CLYBL: variants seen among roughly 807,000 people sequenced by gnomAD.
The protein encoded by CLYBL is citramalyl-CoA lyase.
CLYBL carries 31 observed loss-of-function variants against 38.9 expected under a neutral mutation model. That is an observed-to-expected ratio of 0.80 (90% CI 0.60 to 1.08). The LOEUF (loss-of-function observed/expected upper bound fraction) is 1.08. Among genes scored for constraint, CLYBL ranks in the 50% least tolerant of loss-of-function variants. The probability of loss-of-function intolerance (pLI) is 0.00; values close to 1 mark genes in which losing one functional copy is unlikely to be tolerated. For synonymous variants in CLYBL, 171 were observed against 158.6 expected (o/e 1.08, Z -0.59); for missense variants, 434 against 411.6 (o/e 1.05, Z -0.47).
rs543109043 is a variant in CLYBL at position 99,848,504 on chromosome 13, T to A, written c.250-10357T>A. Among the ~76,000 whole-genome samples the A allele has an allele frequency of 3.3e-5, 5 of 152,302 alleles. No individual in the cohort carries two copies. The East Asian group carries it at 9.6e-4, about 29-fold the overall frequency. ...TCTCTTGGGAATCACAAACATTCTT[T>A]AAAAAAGGGCACATCCCCTGTTACC... On this transcript the variant is annotated intron_variant, in intron 2 of 8. Coordinates refer to ENST00000339105, the MANE Select transcript of CLYBL (RefSeq NM_206808.5).
chr13:99,761,470 C>T (rs978602711), intron 1 of CLYBL, among the ~76,000 whole-genome samples: 67 of 152,292 alleles, frequency 4.4e-4, no homozygotes, highest in African/African-American at 1.6e-3. Flanking sequence ...AACGTAATGA[C>T]CTCCAGTACA....
chr13:99,785,156 G>T (rs1442354218), intron 2 of CLYBL, among the ~76,000 whole-genome samples: 2 of 131,658 alleles, frequency 1.5e-5, no homozygotes, highest in Non-Finnish European at 1.6e-5. Context: ...GCCTCCCAAA[G>T]AGCTGGGATT....
chr13:99,896,040 C>T (rs2052572803), downstream of CLYBL: 1 of 151,572 alleles, frequency 6.6e-6, no homozygotes, highest in African/African-American at 2.4e-5. Flanking sequence ...TGGCCGCAGA[C>T]GCCGAGCCCT....
chr13:99,820,046 A>G (rs2050556958), intron 2 of CLYBL, among the ~76,000 whole-genome samples: 1 of 152,204 alleles, frequency 6.6e-6, no homozygotes, highest in South Asian at 2.1e-4. Context: ...GCTTCCCTAA[A>G]GCAGACCTCA....
At chr13:99,621,127 C>A (rs568301104) in intron 1 of CLYBL, among the ~76,000 whole-genome samples, 1 of 152,268 alleles carries the variant, frequency 6.6e-6, no homozygotes, top group East Asian at 1.9e-4. Flanking sequence ...TTCTCCCCAC[C>A]CCTGAACACA....
chr13:99,749,915 G>A (rs1439325208), intron 1 of CLYBL, among the ~76,000 whole-genome samples: 1 of 152,204 alleles, frequency 6.6e-6, no homozygotes, highest in Non-Finnish European at 1.5e-5. Context: ...AGCAAAGTGA[G>A]AACATAAGTA....
intron 1 of CLYBL, among the ~76,000 whole-genome samples, chr13:99,646,072 T>C (rs1020067107): frequency 6.6e-6 from 1 of 152,208 alleles, no homozygotes; most frequent in Non-Finnish European, 1.5e-5. Context: ...TGGGGTTCAG[T>C]GGGCTTTTGT....
chr13:99,619,350 A>C (rs1165177131), intron 1 of CLYBL, among the ~76,000 whole-genome samples: 2 of 152,230 alleles, frequency 1.3e-5, no homozygotes, highest in Non-Finnish European at 2.9e-5. Context: ...GTAGACACCA[A>C]GGCTGGCACC....
chr13:99,758,105 C>T (rs1326671409), intron 1 of CLYBL, among the ~76,000 whole-genome samples: 2 of 152,118 alleles, frequency 1.3e-5, no homozygotes, highest in South Asian at 2.1e-4. Context: ...AGCCTGGGTC[C>T]TGTTACTAAT....
intron 1 of CLYBL, among the ~76,000 whole-genome samples, chr13:99,647,889 C>G (rs2047200012): frequency 6.6e-6 from 1 of 152,054 alleles, no homozygotes; most frequent in Non-Finnish European, 1.5e-5. Flanking sequence ...AATTTCCCTC[C>G]TATTTTCATC....
chr13:99,768,001 G>A (rs1446675356), intron 1 of CLYBL, among the ~76,000 whole-genome samples: 1 of 151,852 alleles, frequency 6.6e-6, no homozygotes, highest in African/African-American at 2.4e-5. Flanking sequence ...TTCTTCATAT[G>A]TCTTGTGATT....
At chr13:99,742,809 A>G (rs969612990) in intron 1 of CLYBL, among the ~76,000 whole-genome samples, 1 of 152,134 alleles carries the variant, frequency 6.6e-6, no homozygotes, top group Non-Finnish European at 1.5e-5. Context: ...ATTATTACAC[A>G]TTTCTTTCTT....
intron 1 of CLYBL, among the ~76,000 whole-genome samples, chr13:99,655,390 G>A (rs192989474): frequency 5.3e-5 from 8 of 152,208 alleles, no homozygotes; most frequent in African/African-American, 1.7e-4. Flanking sequence ...GTTGCATTTC[G>A]TTACTGGCAA....
chr13:99,622,883 G>A (rs2046818191), intron 1 of CLYBL, among the ~76,000 whole-genome samples: 1 of 152,198 alleles, frequency 6.6e-6, no homozygotes, highest in South Asian at 2.1e-4. Context: ...CCAGGCTGGA[G>A]TGTAGTGGCA....
At chr13:99,710,967 A>G (rs1035390474) in intron 1 of CLYBL, among the ~76,000 whole-genome samples, 15 of 142,684 alleles carry the variant, frequency 1.1e-4, no homozygotes, top group Middle Eastern at 3.8e-3. Context: ...GGCTCACTGC[A>G]ACCTCCGTCT....
At chr13:99,907,441 C>T (rs78987405) in intron 9 of CLYBL, among the ~76,000 whole-genome samples, 1 of 151,526 alleles carries the variant, frequency 6.6e-6, no homozygotes, top group Non-Finnish European at 1.5e-5. Flanking sequence ...GAAATCACAA[C>T]ACTGGAAAAA....
At chr13:99,772,257 A>G (rs1273249863) in intron 1 of CLYBL, among the ~76,000 whole-genome samples, 4 of 152,198 alleles carry the variant, frequency 2.6e-5, no homozygotes, top group African/African-American at 9.7e-5. Flanking sequence ...AGAAATACAT[A>G]CACCCTCCTC....
intron 9 of CLYBL, among the ~76,000 whole-genome samples, chr13:99,906,890 G>A (rs1389219429): frequency 6.6e-6 from 1 of 152,164 alleles, no homozygotes; most frequent in Admixed American, 6.5e-5. Flanking sequence ...GAAAATACTT[G>A]GCTTCGTGCA....
chr13:99,846,911 T>C (rs990180476), intron 2 of CLYBL, among the ~76,000 whole-genome samples: 1 of 152,200 alleles, frequency 6.6e-6, no homozygotes. Flanking sequence ...GCCCAACTCA[T>C]ACCTGCAGAA....
Sources: allele counts gnomAD v4.1 joint callset (sites outside exome capture counted in the v4.1 genomes callset), GRCh38; gene constraint gnomAD v4.1.1; transcripts MANE v1.5; gene names NCBI Gene and HGNC (gene_info 2026-07-23, HGNC 2026-07-21).